Variants in KIAA1671 observed in about 807,000 individuals in gnomAD.
KIAA1671 encodes the protein uncharacterized protein KIAA1671.
KIAA1671 carries 52 observed loss-of-function variants against 131.2 expected under a neutral mutation model. That is an observed-to-expected ratio of 0.40 (90% confidence interval 0.32 to 0.50). The LOEUF (loss-of-function observed/expected upper bound fraction) is 0.50, where lower values mean the gene tolerates loss of function less well. KIAA1671 is among the 20% of genes least tolerant of loss of function. The probability of loss-of-function intolerance (pLI) is 0.73; values close to 1 mark genes in which losing one functional copy is unlikely to be tolerated. For synonymous variants in KIAA1671, 1,003 were observed against 961.6 expected, an observed-to-expected ratio of 1.04 and a Z score of -0.80; for missense variants, 2,360 against 2,364.2, an observed-to-expected ratio of 1.00 and a Z score of 0.04.
At chr22:24,984,347 G>C (rs1378574215) in intron 1 of KIAA1671, among the ~76,000 whole-genome samples, 1 of 152,166 alleles carries the variant, frequency 6.6e-6, no homozygotes, top group Non-Finnish European at 1.5e-5. Context: ...ACACAGCTAG[G>C]GGAAAGAAAG....
chr22:25,183,424 C>T lies in KIAA1671; in HGVS notation c.5200-1553C>T, dbSNP rs557341198. ...ACTAGGTTAGAGGTTTTCTGACTTT[C>T]TTTCCCTCCCTCCCTCCCTCCCTCC... On this transcript the variant is annotated intron_variant, in intron 10 of 12. Coordinates refer to ENST00000358431, the MANE Select transcript of KIAA1671 (RefSeq NM_001145206.2). Among the ~76,000 whole-genome samples, 393 of 137,500 alleles carry T rather than the reference C, an allele frequency of 2.9e-3. 1 individual carries two copies. The highest frequency in any genetic ancestry group is 0.01 in the African/African-American group (377 of 36,218). The allele number at this position is 137,500 out of a possible 152,430, so 90.2% of individuals were successfully genotyped here. A position where few individuals can be genotyped will look rare whatever the true frequency, so the allele number is the denominator to read the frequency against.
At chr22:25,173,424 G>A (rs573843288) in intron 7 of KIAA1671, among the ~76,000 whole-genome samples, 3 of 152,264 alleles carry the variant, frequency 2.0e-5, no homozygotes, top group Admixed American at 6.5e-5. Flanking sequence ...TTTATTAAAT[G>A]ACTGAATGAA....
Position 25,040,420 on chromosome 22 carries a change from C to A in KIAA1671, c.3290C>A (p.Ala1097Glu), listed in dbSNP as rs908438659. Residue 1097 changes from alanine to glutamate, a missense_variant, in exon 5 of 13, where the codon GCA (alanine) becomes GAA (glutamate). Ala to Glu is a moderately radical substitution (Grantham distance 107, BLOSUM62 -1). Coordinates refer to ENST00000358431, the MANE Select transcript of KIAA1671 (RefSeq NM_001145206.2). Reference sequence around the variant, plus strand: ...ATGAAGGGACGAGAGCATGAAAATGCAAGCATTTTAAAAACTCTGAAGCCA... The same window carrying A: ...ATGAAGGGACGAGAGCATGAAAATGAAAGCATTTTAAAAACTCTGAAGCCA... ...NWMKGREHEN[A>E]SILKTLKPTD... is the part of the protein sequence containing the mutation. The A allele has an allele frequency of 1.9e-6, 3 of 1,552,028 alleles. No individual in the cohort carries two copies. The East Asian group carries it at 7.3e-5, about 38-fold the overall frequency.
At chr22:25,037,891 G>A (rs1233331629) in intron 4 of KIAA1671, among the ~76,000 whole-genome samples, 4 of 152,036 alleles carry the variant, frequency 2.6e-5, no homozygotes, top group African/African-American at 9.7e-5. Context: ...CCAGGCTGGA[G>A]TGCAGTGGCA....
At chr22:25,157,324 G>A (rs946920597) in intron 6 of KIAA1671, among the ~76,000 whole-genome samples, 6 of 152,074 alleles carry the variant, frequency 3.9e-5, no homozygotes, top group East Asian at 1.9e-4. Flanking sequence ...TATTCTGTGC[G>A]TTTTGGTCTT....
chr22:25,168,260 G>A (rs1933712298), intron 6 of KIAA1671, among the ~76,000 whole-genome samples: 1 of 152,250 alleles, frequency 6.6e-6, no homozygotes, highest in Non-Finnish European at 1.5e-5. Context: ...CATCTGATGA[G>A]TTGCAGAATC....
chr22:24,983,191 A>G (rs1923322673), intron 1 of KIAA1671, among the ~76,000 whole-genome samples: 1 of 152,082 alleles, frequency 6.6e-6, no homozygotes, highest in Non-Finnish European at 1.5e-5. Flanking sequence ...TGCTTTTCTG[A>G]GTGCACCTTA....
chr22:25,124,833 T>G (rs1184982055), intron 6 of KIAA1671, among the ~76,000 whole-genome samples: 3 of 152,144 alleles, frequency 2.0e-5, no homozygotes, highest in Admixed American at 2.0e-4. Flanking sequence ...CATAGCTCAC[T>G]GCAGCCTCGA....
chr22:24,972,033 A>G (rs1262263939), intron 1 of KIAA1671, among the ~76,000 whole-genome samples: 1 of 152,172 alleles, frequency 6.6e-6, no homozygotes, highest in African/African-American at 2.4e-5. Context: ...GTCCAAGATC[A>G]TGCTAGAGAG....
intron 1 of KIAA1671, among the ~76,000 whole-genome samples, chr22:24,969,973 C>T (rs1347804171): frequency 6.6e-6 from 1 of 152,230 alleles, no homozygotes; most frequent in Non-Finnish European, 1.5e-5. Context: ...CCGCCAGGCA[C>T]AGCCGAGGTG....
At chr22:24,960,539 T>G (rs1235632104) in intron 1 of KIAA1671, among the ~76,000 whole-genome samples, 1 of 123,622 alleles carries the variant, frequency 8.1e-6, no homozygotes, top group East Asian at 2.7e-4. Flanking sequence ...AGGGCAAGAC[T>G]CCGTCTCAAA....
intron 6 of KIAA1671, among the ~76,000 whole-genome samples, chr22:25,074,088 A>G (rs559924889): frequency 1.0e-3 from 155 of 152,068 alleles, no homozygotes; most frequent in Non-Finnish European, 1.6e-3. Context: ...GGCTTATTTC[A>G]CTTAGGTCTT....
chr22:25,189,689 C>G (rs1328857140), intron 11 of KIAA1671, among the ~76,000 whole-genome samples: 1 of 152,168 alleles, frequency 6.6e-6, no homozygotes, highest in Non-Finnish European at 1.5e-5. Context: ...CAGACACTTA[C>G]CTGGATAGAG....
chr22:24,987,815 A>G (rs1030399564), intron 1 of KIAA1671, among the ~76,000 whole-genome samples: 7 of 152,204 alleles, frequency 4.6e-5, no homozygotes, highest in Admixed American at 2.0e-4. Flanking sequence ...CTGCTTTGCA[A>G]TTGAGGATAC....
At chr22:25,008,072 C>A (rs1924843249) in intron 1 of KIAA1671, among the ~76,000 whole-genome samples, 1 of 151,764 alleles carries the variant, frequency 6.6e-6, no homozygotes, top group Non-Finnish European at 1.5e-5. Flanking sequence ...GTGGCAGGTG[C>A]CTGTAATCCC....
Position 25,041,051 on chromosome 22 carries a change from G to A in KIAA1671, c.3921G>A (p.Arg1307=). 1 of 1,514,198 alleles carries A rather than the reference G, an allele frequency of 6.6e-7. No individual in the cohort carries two copies. Among genetic ancestry groups the A allele is most frequent in the Non-Finnish European group, 8.9e-7 (1 of 1,129,650 alleles). The allele number at this position is 1,514,198 out of a possible 1,614,324, so 93.8% of individuals were successfully genotyped here. A position where few individuals can be genotyped will look rare whatever the true frequency, so the allele number is the denominator to read the frequency against. Residue 1307 remains arginine (R), a synonymous_variant, in exon 5 of 13, where the codon AGG becomes AGA. Coordinates refer to ENST00000358431, the MANE Select transcript of KIAA1671 (RefSeq NM_001145206.2). ...WALPPSAPSE[R]YPGGSPIPAD... Reference sequence around the variant, plus strand: ...TGCCACCCTCGGCTCCTTCTGAAAGGTATCCAGGGGGCTCTCCTATACCTG... The same window carrying A: ...TGCCACCCTCGGCTCCTTCTGAAAGATATCCAGGGGGCTCTCCTATACCTG...
At chr22:25,005,088 G>T (rs556375374) in intron 1 of KIAA1671, among the ~76,000 whole-genome samples, 1 of 151,822 alleles carries the variant, frequency 6.6e-6, no homozygotes, top group Non-Finnish European at 1.5e-5. Flanking sequence ...AGTGGCTCAC[G>T]CCTGTAATCC....
Position 25,133,901 on chromosome 22 carries a change from C to G in KIAA1671, c.4531-36919C>G, listed in dbSNP as rs530437867. Among the ~76,000 whole-genome samples, 489 of 152,292 alleles carry G rather than the reference C, an allele frequency of 3.2e-3. 1 individual carries two copies. The highest frequency in any genetic ancestry group is 0.02 in the Middle Eastern group (6 of 294). On this transcript the variant is annotated intron_variant, in intron 6 of 12. Transcript: ENST00000358431. The stretch of plus-strand genomic sequence containing the variant: ...AAGGTACATGCATAGATGTATACAT[C>G]ACCCTCAGTCTAGACATTGGTGTCC...
At chr22:25,030,542 A>G (rs1372573731) in intron 3 of KIAA1671, among the ~76,000 whole-genome samples, 1 of 152,066 alleles carries the variant, frequency 6.6e-6, no homozygotes, top group African/African-American at 2.4e-5. Flanking sequence ...CTCAAAAAAA[A>G]AACACCAAAA....
Sources: gnomAD v4.1 joint callset for allele counts (sites outside exome capture counted in the v4.1 genomes callset) on GRCh38, gnomAD v4.1.1 for gene constraint, MANE v1.5 for transcripts, NCBI Gene and HGNC (gene_info 2026-07-23, HGNC 2026-07-21) for gene names.